TANC2: variants seen among roughly 807,000 people sequenced by gnomAD.
The protein encoded by TANC2 is protein TANC2.
TANC2 carries 26 observed loss-of-function variants against 210.5 expected under a neutral mutation model. That is an observed-to-expected ratio of 0.12 (90% CI 0.09 to 0.17). TANC2 has a LOEUF of 0.17. Ranked by LOEUF, TANC2 falls within the 10% of genes least tolerant of loss-of-function variation. The pLI, the probability that TANC2 is intolerant of heterozygous loss-of-function variation, is 1.00. For synonymous variants in TANC2, 931 were observed against 967.1 expected (o/e 0.96, Z 0.69); for missense variants, 2,129 against 2,608.9 (o/e 0.82, Z 4.01).
chr17:63,302,510 C>T (rs1284458846), intron 9 of TANC2, among the ~76,000 whole-genome samples: 2 of 151,176 alleles, frequency 1.3e-5, no homozygotes, highest in Non-Finnish European at 2.9e-5. Flanking sequence ...TGAACTGATC[C>T]CTTTACCATT....
chr17:62,989,923 G>C (rs563667796), intron 1 of TANC2, among the ~76,000 whole-genome samples: 1 of 151,582 alleles, frequency 6.6e-6, no homozygotes, highest in South Asian at 2.1e-4. Context: ...GGTGCGCACC[G>C]CCACACCTGG....
At chr17:63,313,074 A>G (rs2045184603) in intron 9 of TANC2, among the ~76,000 whole-genome samples, 1 of 152,148 alleles carries the variant, frequency 6.6e-6, no homozygotes, top group Admixed American at 6.6e-5. Context: ...AAGTGGTTCA[A>G]GTATGTTCTA....
At chr17:63,112,926 C>T (rs565863540) in intron 4 of TANC2, among the ~76,000 whole-genome samples, 1 of 152,284 alleles carries the variant, frequency 6.6e-6, no homozygotes, top group South Asian at 2.1e-4. Context: ...CCAGAAAACT[C>T]ACCATGATTT....
intron 7 of TANC2, among the ~76,000 whole-genome samples, chr17:63,207,211 CTTTTTTTTTTT>C (rs948663767): frequency 6.2e-5 from 7 of 113,802 alleles, no homozygotes; most frequent in East Asian, 2.3e-4. Flanking sequence ...TTTTTTTTTC[CTTTTTTTTTTT>C]TTTTTTTTTT....
intron 8 of TANC2, among the ~76,000 whole-genome samples, chr17:63,249,687 A>G (rs893420252): frequency 5.3e-5 from 8 of 152,186 alleles, no homozygotes; most frequent in African/African-American, 9.7e-5. Flanking sequence ...ACCCAATCAG[A>G]AACTTTTAAT....
At chr17:63,333,745 T>C (rs890625887) in intron 11 of TANC2, among the ~76,000 whole-genome samples, 1 of 152,016 alleles carries the variant, frequency 6.6e-6, no homozygotes, top group Non-Finnish European at 1.5e-5. Flanking sequence ...TGCAGCAAAC[T>C]TTATTGTCTT....
chr17:63,037,469 C>CT (rs2035017727), intron 2 of TANC2, among the ~76,000 whole-genome samples: 2 of 152,134 alleles, frequency 1.3e-5, no homozygotes, highest in South Asian at 4.2e-4. Flanking sequence ...TGGGTGGACT[C>CT]TTGTTTTTAA....
chr17:63,001,288 A>G (rs2033367194), intron 1 of TANC2, among the ~76,000 whole-genome samples: 1 of 152,076 alleles, frequency 6.6e-6, no homozygotes, highest in African/African-American at 2.4e-5. Context: ...CCTTTTCTTG[A>G]TTCCCTGGTA....
At chr17:63,175,571 G>A (rs1165095658) in intron 5 of TANC2, among the ~76,000 whole-genome samples, 1 of 144,830 alleles carries the variant, frequency 6.9e-6, no homozygotes, top group African/African-American at 2.5e-5. Context: ...AGACCTAAAT[G>A]TAAGAGCTAG....
intron 3 of TANC2, among the ~76,000 whole-genome samples, chr17:63,092,139 A>T (rs1027574390): frequency 9.2e-5 from 14 of 152,164 alleles, no homozygotes; most frequent in African/African-American, 3.1e-4. Flanking sequence ...TTCATTCATC[A>T]GTTGATGGAC....
intron 9 of TANC2, among the ~76,000 whole-genome samples, chr17:63,290,061 G>T (rs1443220202): frequency 6.6e-6 from 1 of 152,144 alleles, no homozygotes; most frequent in African/African-American, 2.4e-5. Context: ...GTTGGGCTCT[G>T]GTGAACTAGG....
At chr17:63,019,176 C>T (rs1178844427) in intron 2 of TANC2, among the ~76,000 whole-genome samples, 5 of 152,062 alleles carry the variant, frequency 3.3e-5, no homozygotes, top group Admixed American at 3.3e-4. Context: ...TTCTCCTCAT[C>T]CTTACCAGCA....
In TANC2 at chr17:62,978,535, A is replaced by G. The variant is rs114211622; in HGVS notation, c.-24+11786A>G. The G allele has an allele frequency of 5.6e-3, 848 of 152,354 alleles. 8 individuals are homozygous for G. The highest frequency in any genetic ancestry group is 0.018 in the African/African-American group (757 of 41,538). The allele number at this position is 152,354 out of a possible 1,614,324, so 9.4% of individuals were successfully genotyped here. On this transcript the variant is annotated intron_variant, in intron 1 of 27. Transcript: ENST00000689528. ...ACCTCGTTACTGGCCATTGGTTGCC[A>G]AAGCTTAGTATGTTGACAGTATGGA... is the stretch of plus-strand genomic sequence containing the variant.
At chr17:63,321,287 T>A (rs1047096490) in intron 11 of TANC2, among the ~76,000 whole-genome samples, 3 of 152,250 alleles carry the variant, frequency 2.0e-5, no homozygotes, top group Non-Finnish European at 2.9e-5. Flanking sequence ...TTTGGTTTTT[T>A]AATCCACCTT....
chr17:63,395,737 T>C lies in TANC2; in HGVS notation c.3052-6T>C, dbSNP rs1399876123. 1 of 1,612,810 alleles carries C rather than the reference T, an allele frequency of 6.2e-7. No individual in the cohort carries two copies. Among genetic ancestry groups the C allele is most frequent in the South Asian group, 1.1e-5 (1 of 90,728 alleles). ...TTCACACATATCTCCTGTCCTCTCC[T>C]CTTAGGTGGATCATTTGGATAAGAA... On this transcript the variant is annotated splice_polypyrimidine_tract_variant and splice_region_variant and intron_variant, in intron 17 of 27. Transcript: ENST00000689528.
intron 5 of TANC2, among the ~76,000 whole-genome samples, chr17:63,163,087 C>G (rs2040083449): frequency 6.6e-6 from 1 of 151,376 alleles, no homozygotes; most frequent in Non-Finnish European, 1.5e-5. Flanking sequence ...ATGGTGATGA[C>G]TGTGAAATCT....
intron 1 of TANC2, among the ~76,000 whole-genome samples, chr17:62,999,845 A>G (rs1276389763): frequency 6.6e-6 from 1 of 152,238 alleles, no homozygotes; most frequent in Non-Finnish European, 1.5e-5. Context: ...CTAAATGCTC[A>G]TCAGCGGTAG....
chr17:63,299,886 A>C (rs1598804606), intron 9 of TANC2, among the ~76,000 whole-genome samples: 1 of 151,838 alleles, frequency 6.6e-6, no homozygotes, highest in Non-Finnish European at 1.5e-5. Context: ...GTATTGCCTA[A>C]ATTTTCTTCT....
intron 2 of TANC2, among the ~76,000 whole-genome samples, chr17:63,026,604 C>T (rs2034564270): frequency 6.6e-6 from 1 of 152,144 alleles, no homozygotes; most frequent in South Asian, 2.1e-4. Context: ...GAGACTGGCA[C>T]ACTGGTACAT....
Sources: allele counts gnomAD v4.1 joint callset (sites outside exome capture counted in the v4.1 genomes callset), GRCh38; gene constraint gnomAD v4.1.1; transcripts MANE v1.5; gene names NCBI Gene and HGNC (gene_info 2026-07-23, HGNC 2026-07-21).